The following DDX60 variants were observed in gnomAD, a reference collection of about 807,000 sequenced individuals.
DDX60 encodes DExD/H-box helicase 60, also known as probable ATP-dependent RNA helicase DDX60.
A neutral mutation model predicts 212.8 loss-of-function variants in DDX60; 165 were observed. The observed-to-expected ratio is 0.78, with a 90% CI of 0.68 to 0.88. DDX60 has a LOEUF of 0.88. Ranked by LOEUF, DDX60 falls within the 40% of genes least tolerant of loss-of-function variation. The pLI is 0.00. For synonymous variants in DDX60, 703 were observed against 685.3 expected (o/e 1.03, Z -0.40); for missense variants, 1,905 against 2,003.9 (o/e 0.95, Z 0.94).
At chr4:168,311,150 T>C (rs1737116830) in intron 2 of DDX60, 83 bp from the exon 3 acceptor site, 1 of 1,450,968 alleles carries the variant, frequency 6.9e-7, no homozygotes. Flanking sequence ...TAGTTATTAT[T>C]CAAGAAAGTA....
intron 30 of DDX60, among the ~76,000 whole-genome samples, chr4:168,240,677 A>G (rs910662667): frequency 9.9e-5 from 15 of 152,184 alleles, no homozygotes; most frequent in African/African-American, 3.6e-4. Flanking sequence ...CTTCAACAAA[A>G]ACAAGCAATG....
chr4:168,290,452 C>A (rs1366286878), intron 8 of DDX60, among the ~76,000 whole-genome samples: 4 of 151,878 alleles, frequency 2.6e-5, no homozygotes, highest in African/African-American at 9.7e-5. Flanking sequence ...CCGCAGCCTC[C>A]CGAGCAGCTG....
intron 18 of DDX60, among the ~76,000 whole-genome samples, chr4:168,272,943 T>C (rs1579030876): frequency 6.6e-6 from 1 of 152,222 alleles, no homozygotes; most frequent in Non-Finnish European, 1.5e-5. Flanking sequence ...TAGATACTTA[T>C]GAAGAAAAAG....
At chr4:168,251,775 C>T (rs1734229710) in intron 27 of DDX60, among the ~76,000 whole-genome samples, 1 of 151,946 alleles carries the variant, frequency 6.6e-6, no homozygotes, top group African/African-American at 2.4e-5. Flanking sequence ...AAAGAAGGTG[C>T]ACAATAGAAT....
chr4:168,304,235 C>T lies in DDX60; in HGVS notation c.607-1819G>A, dbSNP rs572733038. 1.8e-4 allele frequency among the ~76,000 whole-genome samples: 28 copies of T among 152,236 alleles called. No individual in the cohort carries two copies. The South Asian group carries it at 5.8e-3, about 32-fold the overall frequency. On this transcript the variant is annotated intron_variant, in intron 5 of 37. Coordinates refer to ENST00000393743, the MANE Select transcript of DDX60 (RefSeq NM_017631.6). The stretch of plus-strand genomic sequence containing the variant: ...ATGACAGCTCCATGTGTGTTACTGC[C>T]CCTGAAGACTTTCCAGTGGGACAAG...
chr4:168,248,841 C>G (rs1213581016), intron 28 of DDX60, among the ~76,000 whole-genome samples: 3 of 151,666 alleles, frequency 2.0e-5, no homozygotes, highest in African/African-American at 4.9e-5. Context: ...CTCACTGCAA[C>G]CTCCACCTCC....
chr4:168,249,650 T>A (rs1734145375), intron 28 of DDX60, among the ~76,000 whole-genome samples: 3 of 152,338 alleles, frequency 2.0e-5, no homozygotes, highest in African/African-American at 7.2e-5. Flanking sequence ...TAACAGGTAC[T>A]ATTTTAAACA....
intron 33 of DDX60, among the ~76,000 whole-genome samples, chr4:168,235,654 C>A (rs972548321): frequency 1.2e-4 from 19 of 152,086 alleles, no homozygotes; most frequent in African/African-American, 4.3e-4. Flanking sequence ...CTTGTATAAA[C>A]CAGCATATCC....
At chr4:168,245,998 A>C (rs1734007541) in intron 30 of DDX60, among the ~76,000 whole-genome samples, 1 of 151,914 alleles carries the variant, frequency 6.6e-6, no homozygotes, top group African/African-American at 2.4e-5. Context: ...TTTCCCACAT[A>C]CTCCTAAGTT....
At chr4:168,317,057 CA>C (rs34647800) in intron 1 of DDX60, among the ~76,000 whole-genome samples, 4,751 of 49,660 alleles carry the variant, frequency 0.096, 155 homozygotes, top group Admixed American at 0.19. Flanking sequence ...GACTCCGTCT[CA>C]AAAAAAAAAA....
At chr4:168,280,229 C>A in intron 14 of DDX60, 106 bp downstream of exon 14, 1 of 1,348,874 alleles carries the variant, frequency 7.4e-7, no homozygotes, top group Non-Finnish European at 1.0e-6. Flanking sequence ...TAAGATAGGG[C>A]ATGTAAGTCT....
chr4:168,242,772 G>C (rs1489356664), intron 30 of DDX60, among the ~76,000 whole-genome samples: 1 of 152,102 alleles, frequency 6.6e-6, no homozygotes, highest in African/African-American at 2.4e-5. Flanking sequence ...TTAAGACTCT[G>C]GGAGACTGTT....
intron 12 of DDX60, among the ~76,000 whole-genome samples, chr4:168,284,157 T>G (rs1279862810): frequency 6.6e-6 from 1 of 152,192 alleles, no homozygotes. Flanking sequence ...TGTCTGTAAC[T>G]ACACATATCA....
chr4:168,291,687 T>C (rs1560864365), intron 8 of DDX60, 61 bp downstream of exon 8: 6 of 1,435,508 alleles, frequency 4.2e-6, no homozygotes, highest in East Asian at 2.4e-5. Context: ...TTGAAAGTTA[T>C]TGTAGTTTCT....
intron 4 of DDX60, among the ~76,000 whole-genome samples, chr4:168,307,628 C>A (rs942739375): frequency 7.2e-5 from 11 of 152,066 alleles, no homozygotes; most frequent in Non-Finnish European, 1.3e-4. Flanking sequence ...TTATTAATGA[C>A]TGTCCCTAGG....
chr4:168,253,561 T>C (rs978959449), intron 26 of DDX60, among the ~76,000 whole-genome samples: 38 of 152,244 alleles, frequency 2.5e-4, no homozygotes, highest in Middle Eastern at 3.4e-3. Context: ...TGACATGAAG[T>C]ATAAAAATCA....
chr4:168,293,824 C>T lies in DDX60; in HGVS notation c.845G>A (p.Arg282Lys). The T allele has an allele frequency of 6.2e-7, 1 of 1,613,718 alleles. No individual in the cohort carries two copies. Among genetic ancestry groups the T allele is most frequent in the Non-Finnish European group, 8.5e-7 (1 of 1,179,838 alleles). ...LRMYHRFLGNREPSSGQETEI... is the reference protein window; with the variant it reads ...LRMYHRFLGNKEPSSGQETEI... ...AGTTTCCTGACCAGAGGAGGGCTCT[C>T]TGTTTCCTAAAAAGCGATGGTACAT... The change falls in exon 7 of 38, where the codon AGA becomes AAA. Residue 282 changes from arginine to lysine, a missense_variant. Physicochemically the swap from Arg to Lys is conservative, Grantham distance 26 (BLOSUM62 2). Coordinates refer to ENST00000393743, the MANE Select transcript of DDX60 (RefSeq NM_017631.6).
intron 5 of DDX60, among the ~76,000 whole-genome samples, chr4:168,305,543 A>C (rs1362993281): frequency 6.7e-6 from 1 of 150,298 alleles, no homozygotes; most frequent in Non-Finnish European, 1.5e-5. Flanking sequence ...TATTTAATGT[A>C]CTAATTTTAT....
At chr4:168,309,919 C>T (rs1579085949) in intron 3 of DDX60, among the ~76,000 whole-genome samples, 1 of 152,156 alleles carries the variant, frequency 6.6e-6, no homozygotes, top group East Asian at 1.9e-4. Flanking sequence ...TGTGTAAAGG[C>T]TGTTGGTTTT....
Sources: allele counts gnomAD v4.1 joint callset (sites outside exome capture counted in the v4.1 genomes callset), GRCh38; gene constraint gnomAD v4.1.1; transcripts MANE v1.5; gene names NCBI Gene and HGNC (gene_info 2026-07-23, HGNC 2026-07-21).